BMPER: variants seen among roughly 807,000 people sequenced by gnomAD.
BMPER encodes the protein BMP-binding endothelial regulator protein.
BMPER carries 45 observed loss-of-function variants against 87.3 expected under a neutral mutation model. That is an observed-to-expected ratio of 0.52 (90% confidence interval 0.41 to 0.66). BMPER has a LOEUF of 0.66. Among genes scored for constraint, BMPER ranks in the 30% least tolerant of loss-of-function variants. The probability of loss-of-function intolerance (pLI) is 0.00; values close to 1 mark genes in which losing one functional copy is unlikely to be tolerated. For missense variants in BMPER, 784 were observed against 867.5 expected (o/e 0.90, Z 1.21); for synonymous variants, 326 against 316.2 (o/e 1.03, Z -0.33).
At chr7:33,965,766 C>G (rs764371010) in intron 3 of BMPER, among the ~76,000 whole-genome samples, 1 of 152,148 alleles carries the variant, frequency 6.6e-6, no homozygotes, top group Non-Finnish European at 1.5e-5. Flanking sequence ...GTTTCTTTGG[C>G]CTTTTCCCAC....
intron 13 of BMPER, among the ~76,000 whole-genome samples, chr7:34,131,441 C>T (rs1790586316): frequency 1.3e-5 from 2 of 152,224 alleles, no homozygotes; most frequent in African/African-American, 2.4e-5. Flanking sequence ...TGTACCGCAT[C>T]CTCCAGGGGC....
At chr7:34,009,375 G>C (rs1786818874) in intron 6 of BMPER, among the ~76,000 whole-genome samples, 1 of 151,892 alleles carries the variant, frequency 6.6e-6, no homozygotes, top group South Asian at 2.1e-4. Flanking sequence ...AACCTACTCA[G>C]ATTATGTTTT....
intron 11 of BMPER, among the ~76,000 whole-genome samples, chr7:34,069,701 A>G (rs961225934): frequency 6.6e-6 from 1 of 152,194 alleles, no homozygotes; most frequent in Non-Finnish European, 1.5e-5. Flanking sequence ...TCTTTTATAC[A>G]TGACTAGTGG....
chr7:34,113,797 G>C (rs1007280800), intron 13 of BMPER, among the ~76,000 whole-genome samples: 2 of 151,948 alleles, frequency 1.3e-5, no homozygotes, highest in African/African-American at 4.8e-5. Context: ...ACATGGCCTG[G>C]GACATTGTTT....
chr7:33,955,892 G>A (rs1211283621), intron 3 of BMPER, among the ~76,000 whole-genome samples: 2 of 152,132 alleles, frequency 1.3e-5, no homozygotes, highest in East Asian at 3.8e-4. Context: ...GGAATAGAAT[G>A]GGGAACCTGG....
rs1789191028 is a variant in BMPER at position 34,085,956 on chromosome 7, C to T, written c.1609C>T (p.Pro537Ser). The T allele has an allele frequency of 6.2e-7, 1 of 1,613,948 alleles. No homozygotes were observed. The highest frequency in any genetic ancestry group is 1.7e-5 in the Admixed American group (1 of 59,992). Residue 537 changes from proline to serine, a missense_variant, in exon 13 of 15, where the codon CCT (proline) becomes TCT (serine). By Grantham distance (74) the Pro-to-Ser change is moderately conservative. Coordinates refer to ENST00000649409, the MANE Select transcript of BMPER (RefSeq NM_001365308.1). ...GGAGTCCAATGAGTTCTGCAACAGA[C>T]CTCAGAGAAAGCCAGTGCCTGAACT... ...RVESNEFCNRPQRKPVPELCQ... is the reference protein window; with the variant it reads ...RVESNEFCNRSQRKPVPELCQ...
At chr7:34,083,807 C>T (rs1271601544) in intron 12 of BMPER, among the ~76,000 whole-genome samples, 1 of 152,056 alleles carries the variant, frequency 6.6e-6, no homozygotes, top group Non-Finnish European at 1.5e-5. Context: ...CTCCTTCCCT[C>T]CCACACTCCC....
intron 3 of BMPER, among the ~76,000 whole-genome samples, chr7:33,953,439 G>C (rs77241522): frequency 9.1e-4 from 138 of 152,316 alleles, no homozygotes; most frequent in South Asian, 3.5e-3. Context: ...CCTTGGCCGA[G>C]ACATTTCTTT....
At chr7:34,081,382 C>T (rs1789042798) in intron 12 of BMPER, among the ~76,000 whole-genome samples, 1 of 152,234 alleles carries the variant, frequency 6.6e-6, no homozygotes, top group Non-Finnish European at 1.5e-5. Context: ...TTCAAAAACT[C>T]AAGCCTGCAG....
intron 5 of BMPER, among the ~76,000 whole-genome samples, chr7:33,972,079 A>G (rs1264599965): frequency 1.3e-5 from 2 of 151,778 alleles, no homozygotes; most frequent in Non-Finnish European, 2.9e-5. Flanking sequence ...ATTTTTTTGT[A>G]TTTTTAGTAG....
At chr7:33,918,564 A>G (rs1247204087) in intron 2 of BMPER, among the ~76,000 whole-genome samples, 1 of 152,226 alleles carries the variant, frequency 6.6e-6, no homozygotes, top group Non-Finnish European at 1.5e-5. Context: ...ACATTCACAT[A>G]GCAGTGTTTT....
At chr7:34,076,909 T>C (rs1421012690) in intron 11 of BMPER, among the ~76,000 whole-genome samples, 5 of 152,106 alleles carry the variant, frequency 3.3e-5, no homozygotes, top group Admixed American at 3.3e-4. Flanking sequence ...GAGGTCCATC[T>C]GTAGCATGCT....
chr7:34,146,610 A>G (rs898122025), intron 14 of BMPER, among the ~76,000 whole-genome samples: 8 of 152,132 alleles, frequency 5.3e-5, no homozygotes, highest in African/African-American at 1.9e-4. Context: ...TGCCCATAAT[A>G]CTTTATATGG....
chr7:33,995,061 C>T (rs1473217003), intron 6 of BMPER, among the ~76,000 whole-genome samples: 1 of 151,998 alleles, frequency 6.6e-6, no homozygotes, highest in Non-Finnish European at 1.5e-5. Flanking sequence ...GTAAAATTTA[C>T]TCTTTTTTGG....
intron 13 of BMPER, among the ~76,000 whole-genome samples, chr7:34,124,835 T>C (rs1246292397): frequency 6.6e-6 from 1 of 152,166 alleles, no homozygotes; most frequent in Non-Finnish European, 1.5e-5. Context: ...TTCTTTTGCT[T>C]TAGTTTTAAC....
chr7:33,952,974 C>T lies in BMPER; in HGVS notation c.320-13505C>T, dbSNP rs540835948. ...CAGTATGAGCTTATTTACATCAGAG[C>T]CAGCTAATTATGTTTCTAGTAGGTT... On this transcript the variant is annotated intron_variant, in intron 3 of 14. Transcript: ENST00000649409. 9.9e-5 allele frequency among the ~76,000 whole-genome samples: 15 copies of T among 152,282 alleles called. No homozygotes were observed. The South Asian group carries it at 1.2e-3, about 13-fold the overall frequency.
chr7:33,963,868 G>A (rs1173431956), intron 3 of BMPER, among the ~76,000 whole-genome samples: 1 of 152,130 alleles, frequency 6.6e-6, no homozygotes, highest in African/African-American at 2.4e-5. Context: ...AGCAATGCCT[G>A]GATGTATGAT....
intron 13 of BMPER, among the ~76,000 whole-genome samples, chr7:34,099,782 A>T (rs1488485937): frequency 6.6e-6 from 1 of 152,228 alleles, no homozygotes; most frequent in African/African-American, 2.4e-5. Flanking sequence ...ACCACTTAGT[A>T]ACAGTTTCTA....
chr7:33,950,519 A>G (rs544792158), intron 3 of BMPER, among the ~76,000 whole-genome samples: 1 of 152,164 alleles, frequency 6.6e-6, no homozygotes, highest in Non-Finnish European at 1.5e-5. Context: ...TCTGAGGCTC[A>G]GGGCCCTCTT....
Sources: allele counts gnomAD v4.1 joint callset (sites outside exome capture counted in the v4.1 genomes callset), GRCh38; gene constraint gnomAD v4.1.1; transcripts MANE v1.5; gene names NCBI Gene and HGNC (gene_info 2026-07-23, HGNC 2026-07-21).